The following KANK2 variants were observed in gnomAD, a reference collection of about 807,000 sequenced individuals.
KANK2 encodes KN motif and ankyrin repeat domain-containing protein 2.
In KANK2, 41 loss-of-function variants were observed where a neutral mutation model predicts 74.6. The observed-to-expected ratio is 0.55, with a 90% CI of 0.43 to 0.71. The LOEUF (loss-of-function observed/expected upper bound fraction) is 0.71. Among genes scored for constraint, KANK2 ranks in the 30% least tolerant of loss-of-function variants. The pLI is 0.00. For missense variants in KANK2, 1,148 were observed against 1,196.4 expected (o/e 0.96, Z 0.60); for synonymous variants, 537 against 519.0 (o/e 1.03, Z -0.47).
At chr19:11,168,748 G>A (rs1343325833) in intron 12 of KANK2, among the ~76,000 whole-genome samples, 1 of 152,142 alleles carries the variant, frequency 6.6e-6, no homozygotes, top group Non-Finnish European at 1.5e-5. Context: ...TTTGGAACCA[G>A]ACAGACCCAG....
rs1476341778 is a variant in KANK2 at position 11,195,754 on chromosome 19, CGTCTCTCTCCGT to C, written c.-224_-213del. ...CTCTCTCCACGTCTCTGTCCTTCTG[CGTCTCTCTCCGT>C]GTCTCTCTCCCTGTCTTTCCACGTC... On this transcript the variant is annotated 5_prime_UTR_variant, in exon 2 of 13. Coordinates refer to ENST00000586659, the MANE Select transcript of KANK2 (RefSeq NM_001136191.3). The C allele has an allele frequency of 1.3e-5, 2 of 152,322 alleles. No individual in the cohort carries two copies. Among genetic ancestry groups the C allele is most frequent in the African/African-American group, 2.4e-5 (1 of 41,428 alleles). The allele number at this position is 152,322 out of a possible 1,614,324, so 9.4% of individuals were successfully genotyped here.
chr19:11,193,291 C>A lies in KANK2; in HGVS notation c.789G>T (p.Glu263Asp), dbSNP rs200587792. Residue 263 changes from glutamate (E) to aspartate (D), a missense_variant, in exon 4 of 13, where the codon GAG becomes GAT. By Grantham distance (45) the Glu-to-Asp change is conservative. Transcript: ENST00000586659. This position sits in a 1 kb window ranked among gnomAD's most constrained non-coding sequence, Gnocchi z 9.6. Reference protein sequence around the residue: ...PDPPEDPVALETRSVGTWVRE... With the variant: ...PDPPEDPVALDTRSVGTWVRE... ...GAACCCAGGTGCCCACACTCCGGGT[C>A]TCCAGTGCCACTGGGTCCTCTGGGG... 18 of 1,612,096 alleles carry A rather than the reference C, an allele frequency of 1.1e-5. No homozygotes were observed. In the Admixed American group the frequency reaches 3.0e-4, roughly 27 times the overall value.
chr19:11,192,700 G>A (rs548562319), intron 4 of KANK2, 131 bp downstream of exon 4: 3 of 1,132,302 alleles, frequency 2.6e-6, no homozygotes, highest in East Asian at 2.5e-5. Flanking sequence ...CTCCCAAAGT[G>A]CTGGGATTAC....
chr19:11,170,290 C>A lies in KANK2; in HGVS notation c.2212-42G>T. On this transcript the variant is annotated intron_variant, in intron 10 of 12. Transcript: ENST00000586659. This position sits in a 1 kb window ranked among gnomAD's most constrained non-coding sequence, Gnocchi z 5.2. ...ACAGGATTATGGTTCATGCAGGCCCCAGGGCAGGACACCCCCTGGTCTAGA... is the reference window on the plus strand; with the variant it reads ...ACAGGATTATGGTTCATGCAGGCCCAAGGGCAGGACACCCCCTGGTCTAGA... 1 of 1,543,624 alleles carries A rather than the reference C, an allele frequency of 6.5e-7. No homozygotes were observed. Among genetic ancestry groups the A allele is most frequent in the South Asian group, 1.1e-5 (1 of 89,718 alleles).
rs62129144 is a variant in KANK2 at position 11,170,023 on chromosome 19, G to C, written c.2412+25C>G. ...CCCATGCTGTGCTCCCGCCCTCCCCGGGGTGCACCTGGTTGGAGACTCACG... is the reference window on the plus strand; with the variant it reads ...CCCATGCTGTGCTCCCGCCCTCCCCCGGGTGCACCTGGTTGGAGACTCACG... On this transcript the variant is annotated intron_variant, in intron 11 of 12. Coordinates refer to ENST00000586659, the MANE Select transcript of KANK2 (RefSeq NM_001136191.3). This position sits in a 1 kb window ranked among gnomAD's most constrained non-coding sequence, Gnocchi z 5.2. The C allele has an allele frequency of 2.6e-5, 42 of 1,611,986 alleles. No homozygotes were observed. The highest frequency in any genetic ancestry group is 3.1e-5 in the Non-Finnish European group (37 of 1,178,234).
chr19:11,189,826 G>C (rs530442051), intron 4 of KANK2, among the ~76,000 whole-genome samples: 1 of 152,094 alleles, frequency 6.6e-6, no homozygotes, highest in East Asian at 1.9e-4. Context: ...GCTCTGGGAG[G>C]CACGTCTGGA....
rs1440147354 is a variant in KANK2 at position 11,164,751 on chromosome 19, CATCCATCCTGCT to C, written c.*1795_*1806del. 3.9e-5 allele frequency: 4 copies of C among 102,560 alleles called. No homozygotes were observed. The highest frequency in any genetic ancestry group is 6.9e-5 in the African/African-American group (2 of 29,050). 6.4% of individuals were successfully genotyped at this position (102,560 alleles called of 1,614,324 possible). A position where few individuals can be genotyped will look rare whatever the true frequency, so the allele number is the denominator to read the frequency against. ...CCATCCATCCATCCATCCATCCATC[CATCCATCCTGCT>C]TGTCTCCTTTGACCAGCCAAGCCCT... On this transcript the variant is annotated 3_prime_UTR_variant, in exon 13 of 13. Transcript: ENST00000586659.
chr19:11,175,855 G>A (rs775385490), intron 8 of KANK2, 47 bp downstream of exon 8: 48 of 1,424,990 alleles, frequency 3.4e-5, no homozygotes, highest in South Asian at 1.2e-5. Context: ...TGGGGTGGAG[G>A]TAGGGGTCCG....
chr19:11,180,204 G>A (rs1449268563), intron 4 of KANK2, among the ~76,000 whole-genome samples: 2 of 152,072 alleles, frequency 1.3e-5, no homozygotes, highest in Admixed American at 6.6e-5. Flanking sequence ...CCTGTCCCCC[G>A]GGGCGCCAAC....
chr19:11,174,902 C>T (rs1023595816), intron 8 of KANK2, among the ~76,000 whole-genome samples: 1 of 151,908 alleles, frequency 6.6e-6, no homozygotes, highest in Non-Finnish European at 1.5e-5. Context: ...ATCCCCAACA[C>T]GTTCCCCAAG....
rs769106288 is a variant in KANK2, at chr19:11,178,417, A to G, written c.1448T>C (p.Met483Thr). Residue 483 changes from methionine (M) to threonine (T), a missense_variant, in exon 6 of 13, where the codon ATG becomes ACG. By Grantham distance (81) the Met-to-Thr change is moderately conservative. Coordinates refer to ENST00000586659, the MANE Select transcript of KANK2 (RefSeq NM_001136191.3). ...GGPPAGVRSIMKRKEEVADPT... is the reference protein window; with the variant it reads ...GGPPAGVRSITKRKEEVADPT... ...GTCTGCAACCTCCTCTTTCCGTTTCATGATAGATCGCACGCCTGCCGGGGG... is the reference window on the plus strand; with the variant it reads ...GTCTGCAACCTCCTCTTTCCGTTTCGTGATAGATCGCACGCCTGCCGGGGG... 1.3e-6 allele frequency: 2 copies of G among 1,590,238 alleles called. No individual in the cohort carries two copies. The highest frequency in any genetic ancestry group is 2.7e-5 in the African/African-American group (2 of 73,042).
chr19:11,195,724 TGC>T lies in KANK2; in HGVS notation c.-184_-183del, dbSNP rs1415094559. 1 of 150,726 alleles carries T rather than the reference TGC, an allele frequency of 6.6e-6. No individual in the cohort carries two copies. Among genetic ancestry groups the T allele is most frequent in the East Asian group, 1.9e-4 (1 of 5,192 alleles). The allele number at this position is 150,726 out of a possible 1,614,324, so 9.3% of individuals were successfully genotyped here. On this transcript the variant is annotated 5_prime_UTR_variant, in exon 2 of 13. Transcript: ENST00000586659. ...GTGTCTCTCCACGTCTCTGTCTCTC[TGC>T]GTCTCTCTCCACGTCTCTGTCCTTC... is the stretch of plus-strand genomic sequence containing the variant.
At chr19:11,189,999 CTGCCCTCCAGCCTG>C (rs1217001862) in intron 4 of KANK2, among the ~76,000 whole-genome samples, 2 of 152,194 alleles carry the variant, frequency 1.3e-5, no homozygotes, top group Non-Finnish European at 2.9e-5. Context: ...AGCTGGGTCC[CTGCCCTCCAGCCTG>C]TGCCCTCCAG....
chr19:11,188,258 G>C (rs888600970), intron 4 of KANK2, among the ~76,000 whole-genome samples: 1 of 151,924 alleles, frequency 6.6e-6, no homozygotes, highest in Non-Finnish European at 1.5e-5. Context: ...GCCCAGGCTG[G>C]AGTGCAGCAA....
At chr19:11,187,885 C>T (rs2078721788) in intron 4 of KANK2, among the ~76,000 whole-genome samples, 1 of 151,956 alleles carries the variant, frequency 6.6e-6, no homozygotes, top group Non-Finnish European at 1.5e-5. Flanking sequence ...TCCCCGAGTT[C>T]GAAACCAGCC....
chr19:11,174,569 A>G lies in KANK2; in HGVS notation c.1972T>C (p.Tyr658His), dbSNP rs1451044398. The G allele has an allele frequency of 1.2e-6, 2 of 1,613,588 alleles. No individual in the cohort carries two copies. The highest frequency in any genetic ancestry group is 1.7e-5 in the Admixed American group (1 of 59,970). The change falls in exon 9 of 13, where the codon TAC becomes CAC. Residue 658 changes from tyrosine (Y) to histidine (H), a missense_variant. Physicochemically the swap from Tyr to His is moderately conservative, Grantham distance 83. Transcript: ENST00000586659. ...FRAMSARLLD[Y>H]VVNIADSNGN... ...TTGCTGTCGGCGATGTTGACCACGT[A>G]GTCCAGCAGCCGCGCAGACATGGCC...
chr19:11,174,001 C>G (rs779707673), intron 9 of KANK2, among the ~76,000 whole-genome samples: 1 of 152,098 alleles, frequency 6.6e-6, no homozygotes, highest in Non-Finnish European at 1.5e-5. Context: ...GTGCCCCCCC[C>G]ATCAGACTGG....
At position 11,170,114 on chromosome 19, in the gene KANK2, G is replaced by A. The variant is rs578196421; in HGVS notation, c.2346C>T (p.His782=). ...GCAGCCCCGCGATCTCCTTGTGGCC[G>A]TGCTCACAGGCGCACATGAGGGCCG... The part of the protein sequence containing the change: ...GSTALMCACE[H]GHKEIAGLLL... The change falls in exon 11 of 13, where the codon CAC becomes CAT. Residue 782 remains histidine, a synonymous_variant. Transcript: ENST00000586659. The surrounding 1 kb of genome is among the most constrained non-coding windows in gnomAD (Gnocchi z 5.2). 6.8e-6 allele frequency: 11 copies of A among 1,613,282 alleles called. No individual in the cohort carries two copies. Among genetic ancestry groups the A allele is most frequent in the African/African-American group, 2.7e-5 (2 of 75,058 alleles).
chr19:11,167,358 C>T (rs2078051671), intron 12 of KANK2, among the ~76,000 whole-genome samples: 1 of 151,542 alleles, frequency 6.6e-6, no homozygotes, highest in Admixed American at 6.6e-5. Context: ...AGCCACCGTG[C>T]CCGGCCTAGA....
Sources: gnomAD v4.1 joint callset for allele counts (sites outside exome capture counted in the v4.1 genomes callset) on GRCh38, gnomAD v4.1.1 for gene constraint, Gnocchi (gnomAD v3.1) non-coding constraint, MANE v1.5 for transcripts, NCBI Gene and HGNC (gene_info 2026-07-23, HGNC 2026-07-21) for gene names.